Variants in MCTP2 observed in about 807,000 individuals in gnomAD.
The protein encoded by MCTP2 is multiple C2 and transmembrane domain-containing protein 2.
A neutral mutation model predicts 111.6 loss-of-function variants in MCTP2; 132 were observed. That is an observed-to-expected ratio of 1.18 (90% CI 1.03 to 1.37). The LOEUF is 1.37. Ranked by LOEUF, MCTP2 falls within the 40% of genes most tolerant of loss-of-function variation. The pLI, the probability that MCTP2 is intolerant of heterozygous loss-of-function variation, is 0.00. For synonymous variants in MCTP2, 395 were observed against 387.7 expected (o/e 1.02, Z -0.22); for missense variants, 1,183 against 1,067.9 (o/e 1.11, Z -1.50).
intron 3 of MCTP2, among the ~76,000 whole-genome samples, 196 bp downstream of exon 3, chr15:94,314,540 G>T (rs1277111744): frequency 6.6e-6 from 1 of 152,138 alleles, no homozygotes; most frequent in African/African-American, 2.4e-5. Flanking sequence ...GTCAGACTGG[G>T]ATAGATTCTT....
At chr15:94,233,662 C>T (rs1238937162) in intron 1 of MCTP2, among the ~76,000 whole-genome samples, 2 of 152,036 alleles carry the variant, frequency 1.3e-5, no homozygotes, top group Non-Finnish European at 2.9e-5. Flanking sequence ...TTGTAGAGTA[C>T]TGCAATGTGA....
rs2076755755 is a variant in MCTP2, at chr15:94,324,305, AAAC to A, written c.637+8671_637+8673del. ...GGCTCGTAGAGCGCTAATACGTGGA[AAAC>A]AATAGCCCTCGCTTTAAAACCCTGT... On this transcript the variant is annotated intron_variant, in intron 4 of 22. Transcript: ENST00000357742. Among the ~76,000 whole-genome samples, 3 of 152,240 alleles carry A rather than the reference AAAC, an allele frequency of 2.0e-5. 1 individual carries two copies. The South Asian group carries it at 6.2e-4, about 32-fold the overall frequency.
intron 20 of MCTP2, among the ~76,000 whole-genome samples, chr15:94,461,024 T>TG (rs142742586): frequency 0.11 from 16,688 of 151,652 alleles, 948 homozygotes; most frequent in South Asian, 0.13. Flanking sequence ...TACTGATGGG[T>TG]TGGGGGGGAC....
At chr15:94,334,086 A>G (rs977741636) in intron 4 of MCTP2, among the ~76,000 whole-genome samples, 2 of 152,150 alleles carry the variant, frequency 1.3e-5, no homozygotes, top group Admixed American at 6.5e-5. Flanking sequence ...ATTGTCATAC[A>G]CTCTTCCCCT....
intron 1 of MCTP2, among the ~76,000 whole-genome samples, chr15:94,244,869 C>T (rs1322546426): frequency 1.4e-5 from 2 of 143,176 alleles, no homozygotes; most frequent in Non-Finnish European, 3.1e-5. Flanking sequence ...TACATATGCA[C>T]CTATGTTTAT....
chr15:94,318,660 T>G (rs1463103358), intron 4 of MCTP2, among the ~76,000 whole-genome samples: 2 of 152,202 alleles, frequency 1.3e-5, no homozygotes, highest in Non-Finnish European at 2.9e-5. Context: ...CATTTTTTTC[T>G]AGTTCTTTCT....
chr15:94,251,791 T>C (rs373306929), intron 1 of MCTP2, among the ~76,000 whole-genome samples: 30 of 152,302 alleles, frequency 2.0e-4, no homozygotes, highest in South Asian at 1.7e-3. Context: ...TGTTTCCTCA[T>C]TGTCCTCTCC....
At chr15:94,398,287 C>G (rs2081380353) in intron 14 of MCTP2, among the ~76,000 whole-genome samples, 1 of 152,158 alleles carries the variant, frequency 6.6e-6, no homozygotes, top group South Asian at 2.1e-4. Context: ...AAAACCAGCT[C>G]CTTTATTCAT....
intron 7 of MCTP2, chr15:94,343,018 C>T (rs180905340): frequency 6.0e-4 from 76 of 125,884 alleles, no homozygotes; most frequent in African/African-American, 1.8e-3. Context: ...ATATGAATAC[C>T]TATATATATA....
At chr15:94,454,976 A>C (rs768271365) in intron 19 of MCTP2, among the ~76,000 whole-genome samples, 1 of 152,156 alleles carries the variant, frequency 6.6e-6, no homozygotes, top group South Asian at 2.1e-4. Context: ...ATGTGCCACC[A>C]CAACAGGCTA....
At chr15:94,317,147 T>G (rs2076412223) in intron 4 of MCTP2, among the ~76,000 whole-genome samples, 2 of 152,232 alleles carry the variant, frequency 1.3e-5, no homozygotes, top group African/African-American at 4.8e-5. Context: ...AAGTATTCAT[T>G]TAAAATATCC....
At chr15:94,423,666 C>T (rs977174108) in intron 17 of MCTP2, among the ~76,000 whole-genome samples, 15 of 152,030 alleles carry the variant, frequency 9.9e-5, no homozygotes, top group African/African-American at 2.2e-4. Context: ...TATGTGTGTG[C>T]GCATAGGTGC....
chr15:94,467,331 G>A (rs2073440842), intron 20 of MCTP2, among the ~76,000 whole-genome samples: 1 of 151,940 alleles, frequency 6.6e-6, no homozygotes, highest in African/African-American at 2.4e-5. Flanking sequence ...CATCCACTGT[G>A]TCTCCACTTT....
chr15:94,354,939 C>T (rs1354006051), intron 8 of MCTP2, among the ~76,000 whole-genome samples: 1 of 152,180 alleles, frequency 6.6e-6, no homozygotes, highest in Non-Finnish European at 1.5e-5. Context: ...AAATTCATTG[C>T]TCGACGATGA....
chr15:94,443,997 A>C (rs867686375), intron 19 of MCTP2, among the ~76,000 whole-genome samples: 3 of 149,076 alleles, frequency 2.0e-5, no homozygotes, highest in Non-Finnish European at 4.5e-5. Flanking sequence ...AAAAAAAAAA[A>C]AAAAAAAAAC....
intron 7 of MCTP2, 118 bp downstream of exon 7, chr15:94,341,042 G>T (rs766427215): frequency 5.9e-6 from 4 of 682,588 alleles, no homozygotes; most frequent in East Asian, 5.4e-5. Flanking sequence ...TTTTAGGGGG[G>T]GTGCAACATT....
intron 1 of MCTP2, among the ~76,000 whole-genome samples, chr15:94,296,050 A>T (rs766515537): frequency 6.6e-6 from 1 of 152,026 alleles, no homozygotes; most frequent in Non-Finnish European, 1.5e-5. Flanking sequence ...CTGTGTCCTG[A>T]GTTTCTCATA....
intron 7 of MCTP2, 129 bp from the exon 8 acceptor site, chr15:94,345,000 C>T: frequency 1.8e-6 from 2 of 1,082,126 alleles, no homozygotes; most frequent in Non-Finnish European, 2.7e-6. Flanking sequence ...TCTATAACCT[C>T]AGAACTTGGA....
chr15:94,249,261 G>C (rs1188648549), intron 1 of MCTP2, among the ~76,000 whole-genome samples: 1 of 152,206 alleles, frequency 6.6e-6, no homozygotes, highest in Admixed American at 6.5e-5. Context: ...TGTATTGGCT[G>C]TTGAATAAGA....
Sources: gnomAD v4.1 joint callset for allele counts (sites outside exome capture counted in the v4.1 genomes callset) on GRCh38, gnomAD v4.1.1 for gene constraint, MANE v1.5 for transcripts, NCBI Gene and HGNC (gene_info 2026-07-23, HGNC 2026-07-21) for gene names.